Variants in SPTB observed in about 807,000 individuals in gnomAD.
SPTB encodes spectrin beta, erythrocytic.
Under a neutral mutation model 256.2 loss-of-function variants are expected in SPTB, and 45 were observed. The ratio of observed to expected loss-of-function variants is 0.18; its 90% confidence interval spans 0.14 to 0.23. The LOEUF (loss-of-function observed/expected upper bound fraction) is 0.23. Among genes scored for constraint, SPTB ranks in the 10% least tolerant of loss-of-function variants. The pLI is 1.00. For synonymous variants in SPTB, 1,231 were observed against 1,243.1 expected (o/e 0.99, Z 0.21); for missense variants, 2,715 against 3,040.4 (o/e 0.89, Z 2.52).
At chr14:64,872,263 T>C (rs528723536) in intron 1 of SPTB, among the ~76,000 whole-genome samples, 4 of 152,290 alleles carry the variant, frequency 2.6e-5, no homozygotes, top group African/African-American at 7.2e-5. Flanking sequence ...ATTCTTTTTC[T>C]CTCATCCTCT....
chr14:64,871,929 T>C (rs1882554674), intron 1 of SPTB, among the ~76,000 whole-genome samples: 1 of 152,208 alleles, frequency 6.6e-6, no homozygotes. Context: ...GTGAAATATA[T>C]TTCAATCTTG....
chr14:64,805,378 C>T (rs1009560656), intron 2 of SPTB, among the ~76,000 whole-genome samples: 4 of 152,192 alleles, frequency 2.6e-5, no homozygotes, highest in Non-Finnish European at 5.9e-5. Flanking sequence ...ATCAGTCAGA[C>T]TACTCTGTAC....
rs181476613 is a variant in SPTB, at chr14:64,830,441, C to T, written c.-51-7296G>A. Among the ~76,000 whole-genome samples, 20 of 151,418 alleles carry T rather than the reference C, an allele frequency of 1.3e-4. No homozygotes were observed. The East Asian group carries it at 3.3e-3, about 25-fold the overall frequency. ...TTGCTCATGCTGGAGTGCAGTGGCA[C>T]GATCTTGGCTCACTGCAACCTCTGC... On this transcript the variant is annotated intron_variant, in intron 1 of 35. Coordinates refer to ENST00000644917, the MANE Select transcript of SPTB (RefSeq NM_001355436.2).
chr14:64,830,532 A>C (rs2083438967), intron 1 of SPTB, among the ~76,000 whole-genome samples: 1 of 151,902 alleles, frequency 6.6e-6, no homozygotes, highest in Non-Finnish European at 1.5e-5. Context: ...CAGTTATCCC[A>C]TGTACATGTA....
At chr14:64,789,564 G>A (rs1172962131) in intron 15 of SPTB, among the ~76,000 whole-genome samples, 4 of 152,178 alleles carry the variant, frequency 2.6e-5, no homozygotes, top group Non-Finnish European at 5.9e-5. Flanking sequence ...ATGCCAGTAA[G>A]CTGACATTTG....
chr14:64,836,308 T>C lies in SPTB; in HGVS notation c.-51-13163A>G, dbSNP rs1287056895. The stretch of plus-strand genomic sequence containing the variant: ...AATAAAATTTCATTTTGGAGTTCTT[T>C]ACTGGAGCAGTTAGGGTGCCCTAAT... On this transcript the variant is annotated intron_variant, in intron 1 of 35. Coordinates refer to ENST00000644917, the MANE Select transcript of SPTB (RefSeq NM_001355436.2). Among the ~76,000 whole-genome samples the C allele has an allele frequency of 7.2e-5, 11 of 152,326 alleles. No homozygotes were observed. In the East Asian group the frequency reaches 2.1e-3, roughly 29 times the overall value.
At position 64,774,494 on chromosome 14, in the gene SPTB, G is replaced by T. The variant is rs1392262841; in HGVS notation, c.4876C>A (p.His1626Asn). ...EEGAIVMLKR[H>N]LRQQRAVEDY... ...TCCACCGCACGCTGCTGCCGCAAAT[G>T]TCGCTTCAGCATCACAATGGCGCCC... Residue 1626 changes from histidine to asparagine, a missense_variant, in exon 24 of 36, where the codon CAT (histidine) becomes AAT (asparagine). Physicochemically the swap from His to Asn is moderately conservative, Grantham distance 68. This residue lies in a region of SPTB where 2,239 missense variants were observed against 2,384.4 expected (regional missense o/e 0.94). Transcript: ENST00000644917. 1.3e-6 allele frequency: 2 copies of T among 1,555,258 alleles called. No homozygotes were observed. The highest frequency in any genetic ancestry group is 1.7e-6 in the Non-Finnish European group (2 of 1,149,072).
Position 64,767,793 on chromosome 14 carries a change from G to T in SPTB, c.6089C>A (p.Pro2030His). 6.2e-7 allele frequency: 1 copy of T among 1,614,132 alleles called. No individual in the cohort carries two copies. Among genetic ancestry groups the T allele is most frequent in the Non-Finnish European group, 8.5e-7 (1 of 1,180,024 alleles). The change falls in exon 30 of 36, where the codon CCC (proline) becomes CAC (histidine). Residue 2030 changes from proline (P) to histidine (H), a missense_variant. Physicochemically the swap from Pro to His is moderately conservative, Grantham distance 77. This residue lies in a region of SPTB where 2,239 missense variants were observed against 2,384.4 expected (regional missense o/e 0.94). Coordinates refer to ENST00000644917, the MANE Select transcript of SPTB (RefSeq NM_001355436.2). ...VAEAWLIAQE[P>H]YLASGDFGHT... Reference sequence around the variant, plus strand: ...TCCAAAGTCCCCGCTGGCCAGGTAGGGCTCCTGGGCAATCAGCCACGCCTC... The same window carrying T: ...TCCAAAGTCCCCGCTGGCCAGGTAGTGCTCCTGGGCAATCAGCCACGCCTC...
intron 1 of SPTB, among the ~76,000 whole-genome samples, chr14:64,856,572 A>G (rs2083876851): frequency 6.6e-6 from 1 of 152,162 alleles, no homozygotes; most frequent in East Asian, 1.9e-4. Flanking sequence ...GCCTTCTTCC[A>G]TTTGAAAAGG....
Position 64,782,967 on chromosome 14 carries a change from G to A in SPTB, c.4003-414C>T, listed in dbSNP as rs552474598. On this transcript the variant is annotated intron_variant, in intron 19 of 35. Coordinates refer to ENST00000644917, the MANE Select transcript of SPTB (RefSeq NM_001355436.2). ...CTGGGGGCAATGACTCAGGGAGACC[G>A]CAGCATGGGAGTTGCAGACAAGGGT... 1.2e-4 allele frequency among the ~76,000 whole-genome samples: 18 copies of A among 152,222 alleles called. No homozygotes were observed. The South Asian group carries it at 3.1e-3, about 26-fold the overall frequency.
intron 1 of SPTB, among the ~76,000 whole-genome samples, chr14:64,874,735 G>A (rs1349712218): frequency 1.3e-5 from 2 of 152,120 alleles, no homozygotes; most frequent in Non-Finnish European, 1.5e-5. Flanking sequence ...AGTGAGACAC[G>A]CCCATATTTA....
intron 1 of SPTB, among the ~76,000 whole-genome samples, chr14:64,874,311 C>T (rs534492861): frequency 2.0e-5 from 3 of 152,356 alleles, no homozygotes; most frequent in Admixed American, 2.0e-4. Flanking sequence ...TGTACACCCT[C>T]TCTCTCAGGC....
rs757580862 is a variant in SPTB, at chr14:64,750,037, A to G, written c.6720T>C (p.His2240=). Residue 2240 remains histidine, a synonymous_variant, in exon 34 of 36, where the codon CAT becomes CAC. Coordinates refer to ENST00000644917, the MANE Select transcript of SPTB (RefSeq NM_001355436.2). ...YHGEEPLALR[H]AICEIAANYK... Reference sequence around the variant, plus strand: ...AGTTGGCAGCAATCTCACAGATGGCATGTCTCAGGGCCAGGGGTTCCTCCC... The same window carrying G: ...AGTTGGCAGCAATCTCACAGATGGCGTGTCTCAGGGCCAGGGGTTCCTCCC... 1 of 1,614,116 alleles carries G rather than the reference A, an allele frequency of 6.2e-7. No individual in the cohort carries two copies. Among genetic ancestry groups the G allele is most frequent in the African/African-American group, 1.3e-5 (1 of 74,950 alleles).
intron 1 of SPTB, among the ~76,000 whole-genome samples, chr14:64,872,465 T>C (rs1235002652): frequency 6.6e-6 from 1 of 152,150 alleles, no homozygotes; most frequent in African/African-American, 2.4e-5. Context: ...TCCCAACAAG[T>C]CACTCCCCTG....
rs142051792 is a variant in SPTB, at chr14:64,772,719, G to C, written c.5414C>G (p.Thr1805Arg). 6.2e-7 allele frequency: 1 copy of C among 1,613,826 alleles called. No homozygotes were observed. The highest frequency in any genetic ancestry group is 8.5e-7 in the Non-Finnish European group (1 of 1,180,024). Reference sequence around the variant, plus strand: ...GATGAGGCCCAGGATCTCGGCACCCGTGTAGAAGTAGCGGTGCAGGTCATA... The same window carrying C: ...GATGAGGCCCAGGATCTCGGCACCCCTGTAGAAGTAGCGGTGCAGGTCATA... ...ASYDLHRYFYTGAEILGLIDE... is the reference protein window; with the variant it reads ...ASYDLHRYFYRGAEILGLIDE... Residue 1805 changes from threonine (T) to arginine (R), a missense_variant, in exon 26 of 36, where the codon ACG becomes AGG. By Grantham distance (71) the Thr-to-Arg change is moderately conservative. Around this residue, in one of 4 missense-constraint regions of SPTB, gnomAD observed 2,239 missense variants for 2,384.4 expected, o/e 0.94. Coordinates refer to ENST00000644917, the MANE Select transcript of SPTB (RefSeq NM_001355436.2). This position sits in a 1 kb window ranked among gnomAD's most constrained non-coding sequence, Gnocchi z 5.4.
Position 64,816,335 on chromosome 14 carries a change from A to T in SPTB, c.148+6612T>A, listed in dbSNP as rs2083189978. On this transcript the variant is annotated intron_variant, in intron 2 of 35. Coordinates refer to ENST00000644917, the MANE Select transcript of SPTB (RefSeq NM_001355436.2). The surrounding 1 kb of genome is among the most constrained non-coding windows in gnomAD (Gnocchi z 4.2). ...AAATCAATATATATTCCCTCCTTAA[A>T]CTCCACAGCCACCCCTTTTGAGTTT... Among the ~76,000 whole-genome samples the T allele has an allele frequency of 6.6e-6, 1 of 151,300 alleles. No individual in the cohort carries two copies. The highest frequency in any genetic ancestry group is 2.1e-4 in the South Asian group (1 of 4,782).
At chr14:64,791,648 G>C in intron 15 of SPTB, 71 bp downstream of exon 15, 1 of 1,581,188 alleles carries the variant, frequency 6.3e-7, no homozygotes, top group Non-Finnish European at 8.7e-7. Flanking sequence ...CTAAATTTTG[G>C]GCCCGGCCCC....
chr14:64,763,658 G>C, intron 32 of SPTB: 2 of 504,316 alleles, frequency 4.0e-6, no homozygotes, highest in Admixed American at 3.9e-5. Flanking sequence ...GTTACCAACA[G>C]AATTAAGGAC....
rs140816206 is a variant in SPTB, at chr14:64,821,643, G to T, written c.148+1304C>A. Reference sequence around the variant, plus strand: ...ACATACACAAAAGCAATGGGTCACCGTTATGGTCCGTCCCCAAGGGAAACC... The same window carrying T: ...ACATACACAAAAGCAATGGGTCACCTTTATGGTCCGTCCCCAAGGGAAACC... On this transcript the variant is annotated intron_variant, in intron 2 of 35. Transcript: ENST00000644917. Among the ~76,000 whole-genome samples the T allele has an allele frequency of 3.8e-3, 584 of 152,318 alleles. 18 individuals are homozygous for T. Among genetic ancestry groups the T allele is most frequent in the Admixed American group, 0.034 (523 of 15,306 alleles).
Sources: allele counts gnomAD v4.1 joint callset (sites outside exome capture counted in the v4.1 genomes callset), GRCh38; gene constraint gnomAD v4.1.1; regional missense constraint gnomAD v4.1.1; non-coding constraint Gnocchi (gnomAD v3.1); transcripts MANE v1.5; gene names NCBI Gene and HGNC (gene_info 2026-07-23, HGNC 2026-07-21).